The following NEBL variants were observed in gnomAD, a reference collection of about 807,000 sequenced individuals.
NEBL encodes LIM and SH3 protein 2.
Under a neutral mutation model 140.2 loss-of-function variants are expected in NEBL, and 122 were observed. That is an observed-to-expected ratio of 0.87 (90% CI 0.75 to 1.01). The LOEUF (loss-of-function observed/expected upper bound fraction) is 1.01, where lower values mean the gene tolerates loss of function less well. NEBL is among the 50% of genes least tolerant of loss of function. The pLI is 0.00. For missense variants in NEBL, 1,365 were observed against 1,231.3 expected (o/e 1.11, Z -1.62); for synonymous variants, 436 against 398.9 (o/e 1.09, Z -1.11).
At chr10:21,268,709 G>A (rs1457856165) in intron 1 of NEBL, among the ~76,000 whole-genome samples, 1 of 151,842 alleles carries the variant, frequency 6.6e-6, no homozygotes, top group Non-Finnish European at 1.5e-5. Context: ...TTTTTCAATA[G>A]AGACAGAGTT....
At position 20,888,130 on chromosome 10, in the gene NEBL, A is replaced by G; in HGVS notation, c.336T>C (p.Val112=). The G allele has an allele frequency of 6.2e-7, 1 of 1,613,846 alleles. No homozygotes were observed. Among genetic ancestry groups the G allele is most frequent in the Non-Finnish European group, 8.5e-7 (1 of 1,179,764 alleles). The stretch of plus-strand genomic sequence containing the variant: ...GGAGCTGTGTAACTTCTCCTGCAAA[A>G]ACACTGTCAATTGTGGCTGGCATCC... The part of the protein sequence containing the change: ...YKRMPATIDS[V]FAGEVTQLQS... Residue 112 remains valine, a synonymous_variant, in exon 4 of 28, where the codon GTT becomes GTC. Coordinates refer to ENST00000377122, the MANE Select transcript of NEBL (RefSeq NM_006393.3).
rs927984858 is a variant in NEBL at position 21,024,936 on chromosome 10, T to C, written c.165-4735A>G. Among the ~76,000 whole-genome samples, 4 of 152,228 alleles carry C rather than the reference T, an allele frequency of 2.6e-5. No homozygotes were observed. In the South Asian group the frequency reaches 8.3e-4, roughly 32 times the overall value. The stretch of plus-strand genomic sequence containing the variant: ...CATCTAACACGAATCGGTAGCACCA[T>C]ACAATTAATTCTAAAGCCCTTTCCA... On this transcript the variant is annotated intron_variant, in intron 2 of 6. Transcript: ENST00000417816.
At chr10:20,961,542 T>G (rs1464919734) in intron 4 of NEBL, 2 of 760,698 alleles carry the variant, frequency 2.6e-6, no homozygotes, top group Non-Finnish European at 4.7e-6. Context: ...GAAATTGGCA[T>G]AGTCTATGCG....
At chr10:20,870,931 C>T (rs1448239377) in intron 5 of NEBL, among the ~76,000 whole-genome samples, 1 of 152,150 alleles carries the variant, frequency 6.6e-6, no homozygotes, top group African/African-American at 2.4e-5. Context: ...GCATAATGTC[C>T]GATGGCCCAT....
intron 3 of NEBL, among the ~76,000 whole-genome samples, chr10:20,966,272 A>C (rs981854598): frequency 6.6e-6 from 1 of 152,224 alleles, no homozygotes; most frequent in African/African-American, 2.4e-5. Flanking sequence ...AACTTCCTGC[A>C]ACATAGATTA....
intron 2 of NEBL, among the ~76,000 whole-genome samples, chr10:21,060,080 C>T (rs1310654566): frequency 2.0e-5 from 3 of 152,104 alleles, no homozygotes; most frequent in South Asian, 2.1e-4. Context: ...GGGTTTAATG[C>T]CCGGTCATCT....
chr10:21,019,083 T>A (rs1289223804), intron 3 of NEBL, among the ~76,000 whole-genome samples: 1 of 152,196 alleles, frequency 6.6e-6, no homozygotes, highest in African/African-American at 2.4e-5. Context: ...GCCTGTTAGC[T>A]GGACACCTCT....
At chr10:20,955,543 T>C (rs1388873508) in intron 4 of NEBL, among the ~76,000 whole-genome samples, 2 of 152,020 alleles carry the variant, frequency 1.3e-5, no homozygotes, top group Non-Finnish European at 2.9e-5. Context: ...AGGTGAAAAG[T>C]AGTGAAAGAT....
chr10:21,009,058 T>C (rs1307628145), intron 3 of NEBL, among the ~76,000 whole-genome samples: 3 of 152,154 alleles, frequency 2.0e-5, no homozygotes, highest in Non-Finnish European at 4.4e-5. Flanking sequence ...TATCCAATTC[T>C]AAGGAAAACT....
intron 20 of NEBL, chr10:20,819,161 C>A (rs1839026480): frequency 1.2e-6 from 1 of 861,234 alleles, no homozygotes. Context: ...GACTTCATCA[C>A]CCCGGCATTA....
chr10:21,247,119 T>C (rs1842526819), intron 3 of NEBL, among the ~76,000 whole-genome samples: 2 of 152,118 alleles, frequency 1.3e-5, no homozygotes, highest in Admixed American at 6.6e-5. Context: ...TCCTCCATGA[T>C]TGTAAGTTTC....
chr10:21,187,802 C>T (rs1386344203), intron 3 of NEBL, among the ~76,000 whole-genome samples: 2 of 152,222 alleles, frequency 1.3e-5, no homozygotes, highest in African/African-American at 4.8e-5. Flanking sequence ...ATGTGAGCCA[C>T]AGCACCTGGC....
At chr10:20,807,502 C>T (rs768835174) in intron 26 of NEBL, among the ~76,000 whole-genome samples, 2 of 152,172 alleles carry the variant, frequency 1.3e-5, no homozygotes, top group Non-Finnish European at 2.9e-5. Context: ...TCCAGTTTTA[C>T]AATTCAAGAT....
At chr10:21,227,725 T>TCTTC (rs1842183680) in intron 3 of NEBL, among the ~76,000 whole-genome samples, 2 of 121,996 alleles carry the variant, frequency 1.6e-5, no homozygotes, top group African/African-American at 6.6e-5. Flanking sequence ...TTCTTCTTCT[T>TCTTC]CTTCTTCTTC....
chr10:21,182,932 A>G (rs915187438), intron 3 of NEBL, among the ~76,000 whole-genome samples: 2 of 152,172 alleles, frequency 1.3e-5, no homozygotes, highest in African/African-American at 2.4e-5. Context: ...CGCCTCTCAA[A>G]TTGGACTAGC....
Position 21,004,386 on chromosome 10 carries a change from C to A in NEBL, c.249+15731G>T, listed in dbSNP as rs566751289. ...CAGGAGTGTTCATTATTTGGGACGA[C>A]GTTCTATGGAACTGGTTCTCAAATA... On this transcript the variant is annotated intron_variant, in intron 3 of 6. Transcript: ENST00000417816. Among the ~76,000 whole-genome samples, 3 of 152,122 alleles carry A rather than the reference C, an allele frequency of 2.0e-5. No homozygotes were observed. In the South Asian group the frequency reaches 6.2e-4, roughly 32 times the overall value.
chr10:20,828,567 A>G lies in NEBL; in HGVS notation c.1739T>C (p.Ile580Thr). The G allele has an allele frequency of 6.3e-7, 1 of 1,597,348 alleles. No homozygotes were observed. The highest frequency in any genetic ancestry group is 8.6e-7 in the Non-Finnish European group (1 of 1,165,150). ...NYSTIADTPE[I>T]QRIKTTQQNI... ...TTGTTGAGTTGTCTTAATTCTCTGA[A>G]TTTCAGGAGTATCTGCTATGGTAGA... The change falls in exon 17 of 28, where the codon ATT becomes ACT. Residue 580 changes from isoleucine to threonine, a missense_variant. By Grantham distance (89) the Ile-to-Thr change is moderately conservative. Around this residue, in one of 2 missense-constraint regions of NEBL, gnomAD observed 1,323 missense variants for 1,154.8 expected, o/e 1.15. Transcript: ENST00000377122.
intron 5 of NEBL, among the ~76,000 whole-genome samples, chr10:20,880,229 T>C (rs788955): frequency 0.96 from 146,580 of 152,152 alleles, 70,791 homozygotes; most frequent in Middle Eastern, 1. Flanking sequence ...GGTGTGGTGG[T>C]GGGCACCTGT....
At chr10:21,037,622 G>C (rs145756670) in intron 2 of NEBL, among the ~76,000 whole-genome samples, 1 of 152,078 alleles carries the variant, frequency 6.6e-6, no homozygotes, top group Non-Finnish European at 1.5e-5. Flanking sequence ...TTGTGGCAGT[G>C]GTTACTCAAC....
Sources: gnomAD v4.1 joint callset for allele counts (sites outside exome capture counted in the v4.1 genomes callset) on GRCh38, gnomAD v4.1.1 for gene constraint, gnomAD v4.1.1 regional missense constraint, MANE v1.5 for transcripts, NCBI Gene and HGNC (gene_info 2026-07-23, HGNC 2026-07-21) for gene names.